The following CSNK2A2IP variants were observed in gnomAD, a reference collection of about 807,000 sequenced individuals.
CSNK2A2IP encodes the protein casein kinase II subunit alpha'-interacting protein.
the CSNK2A2IP span, among the ~76,000 whole-genome samples, chr3:88,433,918 A>ATCTTAGTT: frequency 6.6e-6 from 1 of 152,148 alleles, no homozygotes; most frequent in Non-Finnish European, 1.5e-5. Flanking sequence ...TCAGTACAAA[A>ATCTTAGTT]TCTTAGTTTG....
At chr3:88,448,773 G>C in the CSNK2A2IP span, among the ~76,000 whole-genome samples, 1 of 152,134 alleles carries the variant, frequency 6.6e-6, no homozygotes, top group Non-Finnish European at 1.5e-5. Flanking sequence ...CAAGTCTGAG[G>C]TTTTGCCTGG....
the CSNK2A2IP span, among the ~76,000 whole-genome samples, chr3:88,358,646 A>G: frequency 1.3e-5 from 2 of 151,796 alleles, no homozygotes; most frequent in Admixed American, 6.6e-5. Context: ...GTGTTTATTG[A>G]TTTGTGCATG....
the CSNK2A2IP span, among the ~76,000 whole-genome samples, chr3:88,364,046 G>C: frequency 6.6e-6 from 1 of 152,148 alleles, no homozygotes; most frequent in South Asian, 2.1e-4. Flanking sequence ...GTCTTTGGCA[G>C]TCTAGTAGCC....
chr3:88,440,657 C>T, the CSNK2A2IP span, among the ~76,000 whole-genome samples: 12 of 152,066 alleles, frequency 7.9e-5, no homozygotes, highest in African/African-American at 1.9e-4. Context: ...CCAAATTAAA[C>T]GTTGGAATTG....
chr3:88,339,672 G>A, the CSNK2A2IP span, among the ~76,000 whole-genome samples: 1 of 152,014 alleles, frequency 6.6e-6, no homozygotes, highest in Non-Finnish European at 1.5e-5. Context: ...TGACACTTGG[G>A]ACAGGAAAAG....
the CSNK2A2IP span, among the ~76,000 whole-genome samples, chr3:88,378,491 G>A: frequency 6.6e-6 from 1 of 151,894 alleles, no homozygotes; most frequent in African/African-American, 2.4e-5. Context: ...GTAACTGGTG[G>A]CCACATGTGG....
the CSNK2A2IP span, among the ~76,000 whole-genome samples, chr3:88,370,289 G>A: frequency 6.6e-6 from 1 of 151,712 alleles, no homozygotes; most frequent in Non-Finnish European, 1.5e-5. Flanking sequence ...GGTTTTAAAA[G>A]GAAAAATTAG....
the CSNK2A2IP span, among the ~76,000 whole-genome samples, chr3:88,451,069 AAAG>A: frequency 6.6e-6 from 1 of 152,128 alleles, no homozygotes; most frequent in Non-Finnish European, 1.5e-5. Context: ...GTGTTATATC[AAAG>A]AAGGTTTTTG....
the CSNK2A2IP span, among the ~76,000 whole-genome samples, chr3:88,405,216 C>G: frequency 1.3e-5 from 2 of 152,144 alleles, no homozygotes; most frequent in African/African-American, 2.4e-5. Flanking sequence ...TACCTATCAC[C>G]ATGTTCCCCC....
the CSNK2A2IP span, among the ~76,000 whole-genome samples, chr3:88,444,917 A>T: frequency 6.6e-6 from 1 of 152,132 alleles, no homozygotes; most frequent in Non-Finnish European, 1.5e-5. Flanking sequence ...TGTGTATCAC[A>T]TTTTACTTAA....
the CSNK2A2IP span, among the ~76,000 whole-genome samples, chr3:88,391,447 A>T: frequency 1.3e-5 from 2 of 152,224 alleles, no homozygotes; most frequent in Admixed American, 6.5e-5. Flanking sequence ...ACATAAAAGT[A>T]GTTAGAATAT....
At chr3:88,355,926 C>T in the CSNK2A2IP span, among the ~76,000 whole-genome samples, 1 of 152,016 alleles carries the variant, frequency 6.6e-6, no homozygotes, top group Non-Finnish European at 1.5e-5. Context: ...CCATAGTTAA[C>T]CGATGCTCTT....
At chr3:88,343,474 T>C in the CSNK2A2IP span, among the ~76,000 whole-genome samples, 1 of 151,972 alleles carries the variant, frequency 6.6e-6, no homozygotes, top group African/African-American at 2.4e-5. Flanking sequence ...GCATTATTAC[T>C]AGGCGTGGTT....
chr3:88,352,348 C>G, the CSNK2A2IP span, among the ~76,000 whole-genome samples: 1 of 151,804 alleles, frequency 6.6e-6, no homozygotes, highest in East Asian at 1.9e-4. Flanking sequence ...AGAATGCACC[C>G]TTTGAAAAAA....
chr3:88,404,037 A>G, the CSNK2A2IP span, among the ~76,000 whole-genome samples: 1 of 152,068 alleles, frequency 6.6e-6, no homozygotes. Context: ...CTTGGTTTGC[A>G]TATAACTTGA....
the CSNK2A2IP span, among the ~76,000 whole-genome samples, chr3:88,352,408 A>G: frequency 3.3e-5 from 5 of 152,148 alleles, no homozygotes; most frequent in Admixed American, 6.6e-5. Context: ...GGAAAAAGAA[A>G]TTTATATTTT....
the CSNK2A2IP span, among the ~76,000 whole-genome samples, chr3:88,342,375 C>T: frequency 2.0e-5 from 3 of 151,988 alleles, no homozygotes; most frequent in South Asian, 6.2e-4. Flanking sequence ...ATGTAGCCAG[C>T]TGTTTGAACC....
the CSNK2A2IP span, among the ~76,000 whole-genome samples, chr3:88,418,631 T>C: frequency 6.6e-6 from 1 of 152,236 alleles, no homozygotes; most frequent in African/African-American, 2.4e-5. Flanking sequence ...AATTTATTTT[T>C]ATTTATACAT....
chr3:88,428,589 C>A, the CSNK2A2IP span, among the ~76,000 whole-genome samples: 2 of 152,172 alleles, frequency 1.3e-5, no homozygotes, highest in African/African-American at 2.4e-5. Context: ...TCATGCTGTT[C>A]TCGTGATAGT....
Sources: allele counts gnomAD v4.1 joint callset (sites outside exome capture counted in the v4.1 genomes callset), GRCh38; gene constraint gnomAD v4.1.1; transcripts MANE v1.5; gene names NCBI Gene and HGNC (gene_info 2026-07-23, HGNC 2026-07-21).